Variants in CSMD2 observed in about 807,000 individuals in gnomAD.
The protein encoded by CSMD2 is CUB and Sushi multiple domains 2.
Under a neutral mutation model 398.5 loss-of-function variants are expected in CSMD2, and 130 were observed. The ratio of observed to expected loss-of-function variants is 0.33; its 90% CI spans 0.28 to 0.38. The LOEUF (loss-of-function observed/expected upper bound fraction) is 0.38. CSMD2 is among the 10% of genes least tolerant of loss of function. CSMD2 has a pLI of 1.00. For missense variants in CSMD2, 3,829 were observed against 4,764.9 expected (o/e 0.80, Z 5.78); for synonymous variants, 1,828 against 1,908.5 (o/e 0.96, Z 1.10).
At position 33,533,800 on chromosome 1, in the gene CSMD2, A is replaced by G; in HGVS notation, c.9987T>C (p.Cys3329=). 6.2e-7 allele frequency: 1 copy of G among 1,608,556 alleles called. No individual in the cohort carries two copies. Among genetic ancestry groups the G allele is most frequent in the Non-Finnish European group, 8.5e-7 (1 of 1,175,012 alleles). ...NLTWSGTPPD[C]VPHHCRQPET... Reference sequence around the variant, plus strand: ...GTGGGTGAAGTCTGCACTCACGGACACAGTCAGGTGGGGTTCCACTCCAGG... The same window carrying G: ...GTGGGTGAAGTCTGCACTCACGGACGCAGTCAGGTGGGGTTCCACTCCAGG... Residue 3329 remains cysteine (C), a synonymous_variant, in exon 63 of 71, where the codon TGT becomes TGC. Coordinates refer to ENST00000373381, the MANE Select transcript of CSMD2 (RefSeq NM_001281956.2). This position sits in a 1 kb window ranked among gnomAD's most constrained non-coding sequence, Gnocchi z 4.2.
At chr1:34,010,333 T>A (rs1647207302) in intron 3 of CSMD2, among the ~76,000 whole-genome samples, 1 of 152,184 alleles carries the variant, frequency 6.6e-6, no homozygotes, top group South Asian at 2.1e-4. Flanking sequence ...AAGGGAGTTA[T>A]CATCCACAAC....
intron 65 of CSMD2, 48 bp from the exon 66 acceptor site, chr1:33,525,091 C>T (rs1330710246): frequency 6.3e-7 from 1 of 1,599,910 alleles, no homozygotes; most frequent in African/African-American, 1.3e-5. Flanking sequence ...TGTGTGCTGC[C>T]AGAATTGGGG....
At chr1:33,896,361 C>G (rs1642386532) in intron 5 of CSMD2, among the ~76,000 whole-genome samples, 1 of 152,132 alleles carries the variant, frequency 6.6e-6, no homozygotes, top group Admixed American at 6.5e-5. Context: ...TTACACATGG[C>G]CACATACTGG....
At position 33,636,274 on chromosome 1, in the gene CSMD2, C is replaced by T; in HGVS notation, c.4969+86G>A. On this transcript the variant is annotated intron_variant, in intron 30 of 70. Coordinates refer to ENST00000373381, the MANE Select transcript of CSMD2 (RefSeq NM_001281956.2). The surrounding 1 kb of genome is among the most constrained non-coding windows in gnomAD (Gnocchi z 4.8). ...AGGAGCCGGGCTTGAGGACCTTGCCCCCCTCCCTTCCCCAGCCCACAGCAC... is the reference window on the plus strand; with the variant it reads ...AGGAGCCGGGCTTGAGGACCTTGCCTCCCTCCCTTCCCCAGCCCACAGCAC... 2 of 1,355,472 alleles carry T rather than the reference C, an allele frequency of 1.5e-6. No homozygotes were observed. Among genetic ancestry groups the T allele is most frequent in the Non-Finnish European group, 2.0e-6 (2 of 997,346 alleles). The allele number at this position is 1,355,472 out of a possible 1,614,324, so 84.0% of individuals were successfully genotyped here.
intron 3 of CSMD2, among the ~76,000 whole-genome samples, chr1:34,018,027 A>C (rs1057343364): frequency 6.6e-6 from 1 of 151,752 alleles, no homozygotes; most frequent in African/African-American, 2.4e-5. Context: ...GTAGCCATAA[A>C]GAGGAACTTA....
rs559259743 is a variant in CSMD2, at chr1:33,876,046, T to C, written c.921-29050A>G. Among the ~76,000 whole-genome samples the C allele has an allele frequency of 2.3e-4, 35 of 152,324 alleles. No individual in the cohort carries two copies. In the South Asian group the frequency reaches 5.4e-3, roughly 23 times the overall value. ...GCCTTACTGATAGTGCCAGGCCAGC[T>C]TGCAGCCATCAGGGGCTGCTGTTCT... On this transcript the variant is annotated intron_variant, in intron 5 of 70. Transcript: ENST00000373381.
intron 53 of CSMD2, among the ~76,000 whole-genome samples, chr1:33,560,155 C>T (rs1658409594): frequency 1.3e-5 from 2 of 152,158 alleles, no homozygotes; most frequent in Admixed American, 6.5e-5. Context: ...AGGAGGGAGG[C>T]TATCCCCAAC....
intron 13 of CSMD2, among the ~76,000 whole-genome samples, chr1:33,744,380 C>T (rs1251786438): frequency 6.6e-6 from 1 of 152,156 alleles, no homozygotes; most frequent in Non-Finnish European, 1.5e-5. Context: ...GCCAGGAGCA[C>T]CATCTTTCAG....
At chr1:33,576,862 A>T (rs1490428320) in intron 49 of CSMD2, among the ~76,000 whole-genome samples, 2 of 151,914 alleles carry the variant, frequency 1.3e-5, no homozygotes, top group African/African-American at 4.8e-5. Context: ...AAGGGAAAAA[A>T]CTGTCATAAA....
chr1:33,612,198 C>G (rs1447165224), intron 40 of CSMD2, among the ~76,000 whole-genome samples: 1 of 152,180 alleles, frequency 6.6e-6, no homozygotes, highest in African/African-American at 2.4e-5. Flanking sequence ...TAGTGATTAT[C>G]GCTGCACGAT....
chr1:34,158,127 C>G (rs577970531), intron 1 of CSMD2, among the ~76,000 whole-genome samples: 1 of 152,264 alleles, frequency 6.6e-6, no homozygotes, highest in African/African-American at 2.4e-5. Context: ...CTTTGTTTCT[C>G]TTAACTTACA....
intron 55 of CSMD2, among the ~76,000 whole-genome samples, chr1:33,557,448 G>C (rs1211372493): frequency 6.6e-6 from 1 of 152,158 alleles, no homozygotes; most frequent in Non-Finnish European, 1.5e-5. Context: ...AGGGAACTCT[G>C]TAAGCTGAAG....
chr1:33,797,557 G>T (rs900663283), intron 10 of CSMD2, among the ~76,000 whole-genome samples: 1 of 152,194 alleles, frequency 6.6e-6, no homozygotes, highest in African/African-American at 2.4e-5. Context: ...CAGGCTCTTT[G>T]TCACTCTGCT....
intron 25 of CSMD2, among the ~76,000 whole-genome samples, chr1:33,680,296 T>G (rs541045029): frequency 6.6e-6 from 1 of 152,232 alleles, no homozygotes; most frequent in Non-Finnish European, 1.5e-5. Flanking sequence ...CTTTTAAATT[T>G]TATCCAACCC....
intron 12 of CSMD2, among the ~76,000 whole-genome samples, chr1:33,778,742 A>C (rs546044485): frequency 7.9e-5 from 12 of 152,308 alleles, no homozygotes; most frequent in African/African-American, 2.4e-4. Context: ...TAATTCCAAT[A>C]CAAATGACCA....
chr1:34,044,088 C>G (rs539863437), intron 2 of CSMD2, among the ~76,000 whole-genome samples: 1 of 152,236 alleles, frequency 6.6e-6, no homozygotes, highest in Admixed American at 6.5e-5. Flanking sequence ...AAATCATAGC[C>G]ATGGGTACAA....
At chr1:34,083,843 C>T (rs1188809215) in intron 2 of CSMD2, among the ~76,000 whole-genome samples, 20 of 152,100 alleles carry the variant, frequency 1.3e-4, no homozygotes, top group Non-Finnish European at 2.2e-4. Flanking sequence ...TGCTTGAGTC[C>T]AGGAGACAGA....
At chr1:33,982,248 C>T (rs1031627536) in intron 3 of CSMD2, among the ~76,000 whole-genome samples, 4 of 152,066 alleles carry the variant, frequency 2.6e-5, no homozygotes, top group African/African-American at 9.7e-5. Context: ...CTGGGAGCAA[C>T]AGAGGAGAAC....
chr1:33,949,162 G>A (rs1463748952), intron 3 of CSMD2, among the ~76,000 whole-genome samples: 5 of 152,238 alleles, frequency 3.3e-5, no homozygotes. Flanking sequence ...TTAGAGAGCT[G>A]TTGAGAGGAT....
Sources: allele counts gnomAD v4.1 joint callset (sites outside exome capture counted in the v4.1 genomes callset), GRCh38; gene constraint gnomAD v4.1.1; non-coding constraint Gnocchi (gnomAD v3.1); transcripts MANE v1.5; gene names NCBI Gene and HGNC (gene_info 2026-07-23, HGNC 2026-07-21).